Variants in ANOS1 observed in about 807,000 individuals in gnomAD.
The protein encoded by ANOS1 is anosmin-1.
In ANOS1, 6 loss-of-function variants were observed where a neutral mutation model predicts 59.0. That is an observed-to-expected ratio of 0.10 (90% CI 0.06 to 0.20). The LOEUF is 0.20. Ranked by LOEUF, ANOS1 falls within the 10% of genes least tolerant of loss-of-function variation. The pLI is 1.00. For missense variants in ANOS1, 433 were observed against 542.3 expected, an observed-to-expected ratio of 0.80 and a Z score of 2.00; for synonymous variants, 217 against 223.4, an observed-to-expected ratio of 0.97 and a Z score of 0.25.
At position 8,594,731 on chromosome X, in the gene ANOS1, TATATGTGTATATATATATAC is replaced by T. The variant is rs1331930355; in HGVS notation, c.541+2283_541+2302del. On this transcript the variant is annotated intron_variant, in intron 4 of 13. Coordinates refer to ENST00000262648, the MANE Select transcript of ANOS1 (RefSeq NM_000216.4). Reference sequence around the variant, plus strand: ...ATATACACATATATATATCTACATATATATGTGTATATATATATACATATATATATATATATTTTTTTTTT... The same window carrying T: ...ATATACACATATATATATCTACATATATATATATATATATATTTTTTTTTT... Among the ~76,000 whole-genome samples the T allele has an allele frequency of 4.8e-5, 4 of 83,246 alleles. No individual in the cohort carries two copies. In the Admixed American group the frequency reaches 5.5e-4, roughly 12 times the overall value. 72.3% of individuals were successfully genotyped at this position (83,246 alleles called of 115,157 possible).
At chrX:8,662,145 C>T (rs1319150188) in intron 2 of ANOS1, among the ~76,000 whole-genome samples, 4 of 111,607 alleles carry the variant, frequency 3.6e-5, no homozygotes, top group Non-Finnish European at 7.5e-5. Flanking sequence ...CCCAAGATCT[C>T]ACTCCCAGCT....
Position 8,619,852 on chromosome X carries a change from G to T in ANOS1, c.318+3756C>A, listed in dbSNP as rs142748283. The stretch of plus-strand genomic sequence containing the variant: ...AACAATGTTTTATGTTTAGAAATGG[G>T]TGCTGATAATACAGATTAAGAAGTA... On this transcript the variant is annotated intron_variant, in intron 3 of 13. Transcript: ENST00000262648. 9.9e-3 allele frequency among the ~76,000 whole-genome samples: 1,112 copies of T among 112,332 alleles called. 12 individuals carry two copies. The highest frequency in any genetic ancestry group is 0.042 in the Middle Eastern group (9 of 216).
At chrX:8,587,693 A>T in intron 5 of ANOS1, 101 bp downstream of exon 5, 1 of 594,602 alleles carries the variant, frequency 1.7e-6, no homozygotes, top group Non-Finnish European at 2.8e-6. Context: ...TTATTTCTGT[A>T]GTCAAGCTAT....
intron 9 of ANOS1, among the ~76,000 whole-genome samples, chrX:8,543,951 C>G (rs1302471945): frequency 9.0e-6 from 1 of 110,564 alleles, no homozygotes; most frequent in Non-Finnish European, 1.9e-5. Flanking sequence ...CCCAGTTGAT[C>G]TGGTTCCTTA....
At chrX:8,614,033 T>C (rs1382439850) in intron 3 of ANOS1, among the ~76,000 whole-genome samples, 1 of 111,870 alleles carries the variant, frequency 8.9e-6, no homozygotes, top group African/African-American at 3.3e-5. Flanking sequence ...AGATGATTCA[T>C]GTGCGTGACC....
At chrX:8,692,565 T>C (rs981502418) in intron 2 of ANOS1, among the ~76,000 whole-genome samples, 1 of 111,084 alleles carries the variant, frequency 9.0e-6, no homozygotes, top group Non-Finnish European at 1.9e-5. Flanking sequence ...TTCTCCCCGA[T>C]GCAGGGCATA....
intron 2 of ANOS1, among the ~76,000 whole-genome samples, chrX:8,643,936 C>T (rs973646605): frequency 1.3e-4 from 14 of 110,925 alleles, no homozygotes; most frequent in African/African-American, 3.6e-4. Context: ...TGAGTTGTTC[C>T]GCCTTTCTGA....
chrX:8,658,115 C>G (rs747550088), intron 2 of ANOS1, among the ~76,000 whole-genome samples: 1 of 112,072 alleles, frequency 8.9e-6, no homozygotes, highest in Admixed American at 9.5e-5. Context: ...TAGAGAGTGG[C>G]AGATGCAGCA....
chrX:8,601,049 CG>C (rs1377894463), intron 3 of ANOS1, among the ~76,000 whole-genome samples: 2 of 109,533 alleles, frequency 1.8e-5, no homozygotes, highest in African/African-American at 6.7e-5. Flanking sequence ...AAAAATTAGC[CG>C]GGCATGGTGG....
intron 4 of ANOS1, among the ~76,000 whole-genome samples, chrX:8,593,763 T>C (rs1363147941): frequency 9.0e-6 from 1 of 111,269 alleles, no homozygotes; most frequent in African/African-American, 3.3e-5. Flanking sequence ...AACCTCGAAT[T>C]CCTGTGCTCA....
At chrX:8,691,430 T>A (rs891872685) in intron 2 of ANOS1, among the ~76,000 whole-genome samples, 14 of 111,863 alleles carry the variant, frequency 1.3e-4, no homozygotes, top group African/African-American at 4.2e-4. Context: ...TAGTCATATG[T>A]TACATTTGAT....
At chrX:8,672,509 T>C (rs758990936) in intron 2 of ANOS1, among the ~76,000 whole-genome samples, 2 of 112,561 alleles carry the variant, frequency 1.8e-5, no homozygotes, top group East Asian at 5.6e-4. Context: ...AGTGTTATTA[T>C]CTCTGTCAGT....
chrX:8,703,276 G>A lies in ANOS1; in HGVS notation c.208-3531C>T, dbSNP rs185608963. Among the ~76,000 whole-genome samples the A allele has an allele frequency of 1.6e-4, 18 of 112,350 alleles. No individual in the cohort carries two copies. In the East Asian group the frequency reaches 4.5e-3, roughly 28 times the overall value. ...CACATTTCTGAGGCCATGCAAGAGT[G>A]ACTGGGGTTCCAAAAGTGGGCATGG... is the stretch of plus-strand genomic sequence containing the variant. On this transcript the variant is annotated intron_variant, in intron 1 of 13. Transcript: ENST00000262648.
At chrX:8,535,557 A>G (rs769880879) in intron 12 of ANOS1, 34 bp downstream of exon 12, 27 of 1,095,661 alleles carry the variant, frequency 2.5e-5, no homozygotes, top group Non-Finnish European at 3.2e-5. Context: ...GTAGATACCA[A>G]TGACACAGAC....
chrX:8,539,636 C>G (rs774184863), intron 10 of ANOS1, 28 bp downstream of exon 10: 1 of 1,210,997 alleles, frequency 8.3e-7, no homozygotes, highest in South Asian at 1.8e-5. Flanking sequence ...GTTCACAGAT[C>G]AAGTTGGCCT....
At chrX:8,695,342 T>C (rs1215630362) in intron 2 of ANOS1, among the ~76,000 whole-genome samples, 25 of 111,867 alleles carry the variant, frequency 2.2e-4, no homozygotes. Context: ...TTGCCCTGAA[T>C]CATCCGAGAC....
At chrX:8,668,430 T>TATATATATATATATATACAC (rs1394731479) in intron 2 of ANOS1, among the ~76,000 whole-genome samples, 1 of 80,258 alleles carries the variant, frequency 1.2e-5, no homozygotes, top group African/African-American at 5.0e-5. Flanking sequence ...TATATATATA[T>TATATATATATATATATACAC]ACACACACAT....
intron 2 of ANOS1, among the ~76,000 whole-genome samples, chrX:8,654,224 T>C (rs1339612266): frequency 8.9e-6 from 1 of 112,030 alleles, no homozygotes; most frequent in Non-Finnish European, 1.9e-5. Context: ...GGGCAGATGA[T>C]TCTGGCACAA....
chrX:8,557,325 G>A (rs1451982160), intron 8 of ANOS1, among the ~76,000 whole-genome samples: 2 of 111,745 alleles, frequency 1.8e-5, no homozygotes, highest in Non-Finnish European at 3.8e-5. Context: ...TTGACAAATG[G>A]GATCTAATTA....
Sources: gnomAD v4.1 joint callset for allele counts (sites outside exome capture counted in the v4.1 genomes callset) on GRCh38, gnomAD v4.1.1 for gene constraint, MANE v1.5 for transcripts, NCBI Gene and HGNC (gene_info 2026-07-23, HGNC 2026-07-21) for gene names.